Variants in STRBP observed in about 807,000 individuals in gnomAD.
STRBP encodes the protein spermatid perinuclear RNA-binding protein.
A neutral mutation model predicts 80.1 loss-of-function variants in STRBP; 13 were observed. The observed-to-expected ratio is 0.16, with a 90% CI of 0.11 to 0.26. The LOEUF is 0.26. Among genes scored for constraint, STRBP ranks in the 10% least tolerant of loss-of-function variants. STRBP has a pLI of 1.00. For synonymous variants in STRBP, 284 were observed against 291.2 expected, an observed-to-expected ratio of 0.98 and a Z score of 0.25; for missense variants, 485 against 815.2, an observed-to-expected ratio of 0.59 and a Z score of 4.93.
intron 16 of STRBP, among the ~76,000 whole-genome samples, chr9:123,135,169 G>A (rs917740747): frequency 6.6e-6 from 1 of 152,130 alleles, no homozygotes; most frequent in Non-Finnish European, 1.5e-5. Context: ...TTTGGGCCTT[G>A]TTTCCTTACC....
chr9:123,153,191 ATT>A (rs781272627), intron 11 of STRBP, among the ~76,000 whole-genome samples: 4 of 141,122 alleles, frequency 2.8e-5, no homozygotes, highest in Non-Finnish European at 1.6e-5. Context: ...TTCTAGACTC[ATT>A]TTTTTTTTTT....
In STRBP at chr9:123,124,956, G is replaced by A. The variant is rs1338244110; in HGVS notation, c.*641C>T. The A allele has an allele frequency of 1.1e-5, 11 of 985,706 alleles. No individual in the cohort carries two copies. The highest frequency in any genetic ancestry group is 1.3e-5 in the Non-Finnish European group (11 of 829,906). 61.1% of individuals were successfully genotyped at this position (985,706 alleles called of 1,614,324 possible). On this transcript the variant is annotated 3_prime_UTR_variant, in exon 19 of 19. Transcript: ENST00000348403. ...TTTAGCACTTTGCTTACAAGTGAAT[G>A]GGCTTCTAGGGCTAAGTTATTAGTT...
intron 4 of STRBP, 105 bp downstream of exon 4, chr9:123,178,902 A>G (rs1216205561): frequency 5.9e-6 from 6 of 1,024,420 alleles, no homozygotes; most frequent in African/African-American, 1.6e-5. Context: ...TCACATATGC[A>G]TAAGACAAAA....
In STRBP at chr9:123,179,114, T is replaced by C. The variant is rs1006323371; in HGVS notation, c.117A>G (p.Glu39=). The part of the protein sequence containing the change: ...EAVQNMVSTV[E]CALKHVSDWL... ...AATCTGAGACATGTTTAAGAGCACATTCAACAGTAGATACCATATTCTGAA... is the reference window on the plus strand; with the variant it reads ...AATCTGAGACATGTTTAAGAGCACACTCAACAGTAGATACCATATTCTGAA... Residue 39 remains glutamate (E), a synonymous_variant, in exon 4 of 19, where the codon GAA becomes GAG. Coordinates refer to ENST00000348403, the MANE Select transcript of STRBP (RefSeq NM_018387.5). The C allele has an allele frequency of 6.2e-6, 10 of 1,614,052 alleles. No homozygotes were observed. Among genetic ancestry groups the C allele is most frequent in the Non-Finnish European group, 7.6e-6 (9 of 1,180,020 alleles).
intron 2 of STRBP, among the ~76,000 whole-genome samples, chr9:123,230,831 T>C (rs1012299361): frequency 4.6e-5 from 7 of 152,204 alleles, no homozygotes; most frequent in Non-Finnish European, 8.8e-5. Flanking sequence ...CAAGAACACA[T>C]GTGCATCATT....
chr9:123,156,793 G>A (rs978814158), intron 11 of STRBP, among the ~76,000 whole-genome samples: 3 of 151,926 alleles, frequency 2.0e-5, no homozygotes, highest in Non-Finnish European at 2.9e-5. Context: ...AAACAGACTG[G>A]GCAACTGCAC....
At chr9:123,118,706 TAAAGGTAA>T (rs1220225927), downstream of STRBP, among the ~76,000 whole-genome samples, 1 of 152,234 alleles carries the variant, frequency 6.6e-6, no homozygotes, top group Non-Finnish European at 1.5e-5. Flanking sequence ...TTTGCCTCCT[TAAAGGTAA>T]CACTCAGTCC....
intron 1 of STRBP, among the ~76,000 whole-genome samples, chr9:123,249,091 C>T (rs956334347): frequency 6.6e-6 from 1 of 152,204 alleles, no homozygotes; most frequent in Non-Finnish European, 1.5e-5. Context: ...CTTATTAAGG[C>T]TGTAGGCCAA....
At chr9:123,245,422 C>T (rs2040780419) in intron 1 of STRBP, among the ~76,000 whole-genome samples, 1 of 152,228 alleles carries the variant, frequency 6.6e-6, no homozygotes, top group African/African-American at 2.4e-5. Flanking sequence ...CGTTGTCTCG[C>T]TCAGTCGCCC....
Position 123,124,076 on chromosome 9 carries a change from A to AAG in STRBP, c.*1520_*1521insCT. 1 of 985,442 alleles carries AAG rather than the reference A, an allele frequency of 1.0e-6. No homozygotes were observed. Among genetic ancestry groups the AAG allele is most frequent in the Non-Finnish European group, 1.2e-6 (1 of 829,928 alleles). 61.0% of individuals were successfully genotyped at this position (985,442 alleles called of 1,614,324 possible). ...GTGTAATATATATCTGAGAAGTGAC[A>AAG]CTAACATTTGTTGTACATTGCCCAT... is the stretch of plus-strand genomic sequence containing the variant. On this transcript the variant is annotated 3_prime_UTR_variant, in exon 19 of 19. Coordinates refer to ENST00000348403, the MANE Select transcript of STRBP (RefSeq NM_018387.5).
In STRBP at chr9:123,124,102, T is replaced by G. The variant is rs1200836616; in HGVS notation, c.*1495A>C. Reference sequence around the variant, plus strand: ...CTAACATTTGTTGTACATTGCCCATTTCACCTTTATTTAGTGGTCCCGAAG... The same window carrying G: ...CTAACATTTGTTGTACATTGCCCATGTCACCTTTATTTAGTGGTCCCGAAG... On this transcript the variant is annotated 3_prime_UTR_variant, in exon 19 of 19. Transcript: ENST00000348403. The G allele has an allele frequency of 1.0e-6, 1 of 985,332 alleles. No individual in the cohort carries two copies. Among genetic ancestry groups the G allele is most frequent in the Non-Finnish European group, 1.2e-6 (1 of 829,942 alleles). 61.0% of individuals were successfully genotyped at this position (985,332 alleles called of 1,614,324 possible).
intron 13 of STRBP, among the ~76,000 whole-genome samples, chr9:123,145,700 T>C (rs1264991496): frequency 6.6e-6 from 1 of 152,182 alleles, no homozygotes; most frequent in African/African-American, 2.4e-5. Context: ...TTGTGACACA[T>C]TCTCAGTGTA....
chr9:123,147,395 G>A (rs899611538), intron 12 of STRBP, among the ~76,000 whole-genome samples: 3 of 151,754 alleles, frequency 2.0e-5, no homozygotes, highest in African/African-American at 4.8e-5. Context: ...TCACTTTTTG[G>A]CCAGGCACAG....
chr9:123,202,062 G>C (rs1022279471), intron 2 of STRBP, among the ~76,000 whole-genome samples: 2 of 152,076 alleles, frequency 1.3e-5, no homozygotes, highest in South Asian at 4.2e-4. Context: ...GTTTGCTTTT[G>C]GTTTCCATTT....
At chr9:123,113,920 A>G (rs1449140013) in intron 3 of STRBP, 1 of 167,154 alleles carries the variant, frequency 6.0e-6, no homozygotes, top group Admixed American at 6.5e-5. Flanking sequence ...AGAGCTGAGC[A>G]GTTGTGGCAG....
intron 5 of STRBP, among the ~76,000 whole-genome samples, chr9:123,172,533 G>T (rs2038053534): frequency 6.6e-6 from 1 of 152,066 alleles, no homozygotes; most frequent in African/African-American, 2.4e-5. Flanking sequence ...CCCTATAAAA[G>T]ACCAGAAAAC....
chr9:123,181,595 G>A (rs181626480), intron 3 of STRBP, among the ~76,000 whole-genome samples: 29 of 151,780 alleles, frequency 1.9e-4, no homozygotes, highest in Admixed American at 9.2e-4. Context: ...TCGGCAGTTC[G>A]AGACCAGTCT....
intron 2 of STRBP, among the ~76,000 whole-genome samples, chr9:123,222,486 T>G (rs762400762): frequency 6.6e-6 from 1 of 151,992 alleles, no homozygotes; most frequent in African/African-American, 2.4e-5. Flanking sequence ...TTTCAGTCAA[T>G]AGAGCAAGTA....
At chr9:123,254,892 G>A (rs867782346) in intron 1 of STRBP, among the ~76,000 whole-genome samples, 13 of 152,144 alleles carry the variant, frequency 8.5e-5, no homozygotes, top group Admixed American at 3.9e-4. Flanking sequence ...ATAAAGAGAC[G>A]ACTAATGTGA....
Sources: gnomAD v4.1 joint callset for allele counts (sites outside exome capture counted in the v4.1 genomes callset) on GRCh38, gnomAD v4.1.1 for gene constraint, MANE v1.5 for transcripts, NCBI Gene and HGNC (gene_info 2026-07-23, HGNC 2026-07-21) for gene names.